GARNL3: variants seen among roughly 807,000 people sequenced by gnomAD.
The protein encoded by GARNL3 is GTPase activating Rap/RanGAP domain like 3.
In GARNL3, 63 loss-of-function variants were observed where a neutral mutation model predicts 125.0. The observed-to-expected ratio is 0.50, with a 90% CI of 0.41 to 0.62. GARNL3 has a LOEUF of 0.62. Among genes scored for constraint, GARNL3 ranks in the 20% least tolerant of loss-of-function variants. The pLI is 0.00. For missense variants in GARNL3, 994 were observed against 1,244.0 expected (o/e 0.80, Z 3.02); for synonymous variants, 439 against 457.5 (o/e 0.96, Z 0.52).
At chr9:127,319,465 G>A (rs775621590) in intron 5 of GARNL3, among the ~76,000 whole-genome samples, 2 of 151,972 alleles carry the variant, frequency 1.3e-5, no homozygotes, top group Non-Finnish European at 2.9e-5. Flanking sequence ...CTGGGTGACA[G>A]AGTGAGACTG....
In GARNL3 at chr9:127,389,524, T is replaced by G. The variant is rs112106150; in HGVS notation, c.2743+405T>G. Reference sequence around the variant, plus strand: ...GTCCCAAAGTGGAAATGTACCATGTTTTTACACGTGTGTGTTCAGTTCCCT... The same window carrying G: ...GTCCCAAAGTGGAAATGTACCATGTGTTTACACGTGTGTGTTCAGTTCCCT... On this transcript the variant is annotated intron_variant, in intron 26 of 27. Coordinates refer to ENST00000373387, the MANE Select transcript of GARNL3 (RefSeq NM_032293.5). 4.3e-3 allele frequency among the ~76,000 whole-genome samples: 659 copies of G among 152,346 alleles called. 2 individuals carry two copies. The highest frequency in any genetic ancestry group is 6.9e-3 in the Non-Finnish European group (470 of 68,034).
chr9:127,265,748 G>A (rs2063691039), intron 1 of GARNL3, among the ~76,000 whole-genome samples: 1 of 152,162 alleles, frequency 6.6e-6, no homozygotes, highest in Non-Finnish European at 1.5e-5. Context: ...CACTGTTAAT[G>A]ACATTGCCTA....
chr9:127,308,720 G>A (rs2065019872), intron 2 of GARNL3, among the ~76,000 whole-genome samples: 1 of 152,160 alleles, frequency 6.6e-6, no homozygotes. Flanking sequence ...GAATACAGAT[G>A]GCATCAATGT....
chr9:127,261,124 C>T (rs559212744), upstream of GARNL3, among the ~76,000 whole-genome samples: 14 of 152,036 alleles, frequency 9.2e-5, no homozygotes, highest in East Asian at 2.0e-4. Flanking sequence ...GGCATGGTGG[C>T]GGGCACCTGT....
chr9:127,339,330 C>T (rs899386143), intron 12 of GARNL3, among the ~76,000 whole-genome samples: 5 of 151,184 alleles, frequency 3.3e-5, no homozygotes, highest in East Asian at 1.9e-4. Context: ...ATTGTACTTA[C>T]GGTTCCACAT....
intron 2 of GARNL3, among the ~76,000 whole-genome samples, chr9:127,306,959 C>G (rs1290179509): frequency 1.3e-5 from 2 of 151,960 alleles, no homozygotes; most frequent in Admixed American, 1.3e-4. Flanking sequence ...CTCATAAATA[C>G]TGTAATTTTG....
At chr9:127,265,904 C>T (rs1277986613) in intron 1 of GARNL3, among the ~76,000 whole-genome samples, 2 of 152,152 alleles carry the variant, frequency 1.3e-5, no homozygotes, top group African/African-American at 2.4e-5. Flanking sequence ...TCTACTTGAA[C>T]TCAAGCATAT....
chr9:127,253,494 A>G (rs1012654472), intron 2 of GARNL3, among the ~76,000 whole-genome samples: 1 of 152,214 alleles, frequency 6.6e-6, no homozygotes, highest in South Asian at 2.1e-4. Flanking sequence ...CAGGGAACCC[A>G]TTGTGAAGCT....
At chr9:127,230,656 C>CAA (rs1178159379) in intron 1 of GARNL3, among the ~76,000 whole-genome samples, 4 of 109,472 alleles carry the variant, frequency 3.7e-5, no homozygotes, top group Non-Finnish European at 7.8e-5. Flanking sequence ...TCCATCTCAC[C>CAA]AAAAAAAAAA....
At chr9:127,348,879 T>C (rs375148856) in intron 16 of GARNL3, 45 bp from the exon 17 acceptor site, 242 of 1,348,742 alleles carry the variant, frequency 1.8e-4, no homozygotes, top group Admixed American at 9.2e-5. Context: ...CTGCAGTGTA[T>C]TTTTTCTGGT....
Position 127,341,179 on chromosome 9 carries a change from G to A in GARNL3, c.1136-1040G>A, listed in dbSNP as rs557402756. Reference sequence around the variant, plus strand: ...TGATGTCTCCCTCGACACATTAGAGGCAGCAGACACTGCAAACCATGTGCA... The same window carrying A: ...TGATGTCTCCCTCGACACATTAGAGACAGCAGACACTGCAAACCATGTGCA... On this transcript the variant is annotated intron_variant, in intron 13 of 27. Transcript: ENST00000373387. 2.0e-5 allele frequency among the ~76,000 whole-genome samples: 3 copies of A among 152,318 alleles called. No individual in the cohort carries two copies. The South Asian group carries it at 6.2e-4, about 32-fold the overall frequency.
chr9:127,277,959 C>A (rs921053314), intron 1 of GARNL3, among the ~76,000 whole-genome samples: 2 of 152,130 alleles, frequency 1.3e-5, no homozygotes, highest in Non-Finnish European at 2.9e-5. Flanking sequence ...GTTATTGTAT[C>A]CCCAGCAGTA....
intron 18 of GARNL3, 93 bp from the exon 19 acceptor site, chr9:127,354,201 T>C (rs1274494480): frequency 4.9e-5 from 44 of 903,460 alleles, no homozygotes; most frequent in Non-Finnish European, 6.9e-5. Flanking sequence ...ACACCTCCAA[T>C]CCTAGTTTTT....
chr9:127,231,039 TATATATATATA>T (rs1471167504), intron 1 of GARNL3, among the ~76,000 whole-genome samples: 2 of 46,436 alleles, frequency 4.3e-5, no homozygotes, highest in Non-Finnish European at 7.6e-5. Context: ...TATATACATA[TATATATATATA>T]TTTTTTTTTT....
chr9:127,371,888 A>G (rs1831628874), intron 22 of GARNL3, among the ~76,000 whole-genome samples: 1 of 152,234 alleles, frequency 6.6e-6, no homozygotes, highest in Non-Finnish European at 1.5e-5. Context: ...GCAAAATAAG[A>G]GTCTTTTTTA....
At chr9:127,301,925 CTTTTTTTTTTTTTTTTTTTT>C (rs754780368) in intron 2 of GARNL3, among the ~76,000 whole-genome samples, 2 of 45,396 alleles carry the variant, frequency 4.4e-5, no homozygotes, top group African/African-American at 1.1e-4. Flanking sequence ...ATTGGGAGGA[CTTTTTTTTTTTTTTTTTTTT>C]TTTTTTTTTT....
intron 25 of GARNL3, 64 bp from the exon 26 acceptor site, chr9:127,388,840 C>A: frequency 2.0e-6 from 2 of 976,192 alleles, no homozygotes; most frequent in Non-Finnish European, 3.3e-6. Flanking sequence ...CAAGAAATTA[C>A]TCTCTTGTAA....
At chr9:127,350,922 T>C (rs1366490860) in intron 17 of GARNL3, among the ~76,000 whole-genome samples, 1 of 152,148 alleles carries the variant, frequency 6.6e-6, no homozygotes, top group Non-Finnish European at 1.5e-5. Flanking sequence ...ATAAATGATA[T>C]GAGTTACCCA....
chr9:127,326,891 A>C (rs1270480650), intron 7 of GARNL3, among the ~76,000 whole-genome samples: 2 of 152,138 alleles, frequency 1.3e-5, no homozygotes, highest in Non-Finnish European at 2.9e-5. Flanking sequence ...CAGACACCGA[A>C]TCTTCCACTG....
Sources: allele counts gnomAD v4.1 joint callset (sites outside exome capture counted in the v4.1 genomes callset), GRCh38; gene constraint gnomAD v4.1.1; transcripts MANE v1.5; gene names NCBI Gene and HGNC (gene_info 2026-07-23, HGNC 2026-07-21).